The following PTPRT variants were observed in gnomAD, a reference collection of about 807,000 sequenced individuals.
The protein encoded by PTPRT is receptor-type tyrosine-protein phosphatase T.
PTPRT carries 56 observed loss-of-function variants against 176.8 expected under a neutral mutation model. The observed-to-expected ratio is 0.32, with a 90% CI of 0.26 to 0.40. The LOEUF is 0.40. Ranked by LOEUF, PTPRT falls within the 10% of genes least tolerant of loss-of-function variation. PTPRT has a pLI of 1.00. For missense variants in PTPRT, 1,540 were observed against 1,908.2 expected, an observed-to-expected ratio of 0.81 and a Z score of 3.60; for synonymous variants, 783 against 739.0, an observed-to-expected ratio of 1.06 and a Z score of -0.96.
chr20:42,531,958 G>A (rs558367781), intron 7 of PTPRT, among the ~76,000 whole-genome samples: 32 of 152,318 alleles, frequency 2.1e-4, no homozygotes, highest in African/African-American at 6.5e-4. Context: ...GAAGATGAGC[G>A]TGCCCTCATG....
At chr20:42,639,754 C>T (rs1003392379) in intron 7 of PTPRT, among the ~76,000 whole-genome samples, 7 of 152,100 alleles carry the variant, frequency 4.6e-5, no homozygotes, top group African/African-American at 1.4e-4. Flanking sequence ...ATTTCACATG[C>T]TCTTTTAGGT....
At position 42,084,692 on chromosome 20, in the gene PTPRT, C is replaced by T. The variant is rs1452432737; in HGVS notation, c.4126G>A (p.Val1376Ile). Reference sequence around the variant, plus strand: ...CTCCCTAGTACTCACAGGCAGTGGACCACAGTACGTCCCTCCCTCCCGTCA... The same window carrying T: ...CTCCCTAGTACTCACAGGCAGTGGATCACAGTACGTCCCTCCCTCCCGTCA... ...QYDGREGRTV[V>I]HCLNGGGRSG... Residue 1376 changes from valine to isoleucine, a missense_variant, in exon 29 of 31, where the codon GTC becomes ATC. By Grantham distance (29) the Val-to-Ile change is conservative. This residue lies in a region of PTPRT where 342 missense variants were observed against 394.0 expected (regional missense o/e 0.87). Transcript: ENST00000373187. 1.0e-5 allele frequency: 16 copies of T among 1,530,034 alleles called. No individual in the cohort carries two copies. Among genetic ancestry groups the T allele is most frequent in the Non-Finnish European group, 1.4e-5 (16 of 1,131,418 alleles). 94.8% of individuals were successfully genotyped at this position (1,530,034 alleles called of 1,614,324 possible). A position where few individuals can be genotyped will look rare whatever the true frequency, so the allele number is the denominator to read the frequency against.
intron 2 of PTPRT, among the ~76,000 whole-genome samples, chr20:42,837,734 A>G (rs1368847136): frequency 6.6e-6 from 1 of 152,224 alleles, no homozygotes; most frequent in Non-Finnish European, 1.5e-5. Context: ...CACGCAGAAC[A>G]GAGTACAGAG....
At chr20:43,169,789 C>A (rs1568824611) in intron 1 of PTPRT, among the ~76,000 whole-genome samples, 1 of 152,188 alleles carries the variant, frequency 6.6e-6, no homozygotes, top group Non-Finnish European at 1.5e-5. Context: ...AGCCTTCTCC[C>A]TCCTTCTAAA....
rs144980564 is a variant in PTPRT, at chr20:43,002,050, G to A, written c.89-116118C>T. 1.2e-4 allele frequency among the ~76,000 whole-genome samples: 18 copies of A among 152,192 alleles called. No homozygotes were observed. The East Asian group carries it at 2.3e-3, about 20-fold the overall frequency. Reference sequence around the variant, plus strand: ...ATTATGGGGGCGGCTTCCCCCACGCGGTTCTCGTGATAGTGAGTCTCACGA... The same window carrying A: ...ATTATGGGGGCGGCTTCCCCCACGCAGTTCTCGTGATAGTGAGTCTCACGA... On this transcript the variant is annotated intron_variant, in intron 1 of 30. Coordinates refer to ENST00000373187, the MANE Select transcript of PTPRT (RefSeq NM_007050.6).
At chr20:43,179,213 G>T in intron 1 of PTPRT, among the ~76,000 whole-genome samples, 1 of 152,180 alleles carries the variant, frequency 6.6e-6, no homozygotes. Flanking sequence ...CTTCTGTGAT[G>T]ACTGTACTAC....
intron 1 of PTPRT, among the ~76,000 whole-genome samples, chr20:42,899,732 C>CTT (rs1294642769): frequency 1.3e-5 from 2 of 152,176 alleles, no homozygotes; most frequent in Non-Finnish European, 2.9e-5. Flanking sequence ...GAGGGAAACT[C>CTT]TTTAAATGCT....
At chr20:42,621,657 A>G (rs1199729282) in intron 7 of PTPRT, among the ~76,000 whole-genome samples, 1 of 151,902 alleles carries the variant, frequency 6.6e-6, no homozygotes, top group Non-Finnish European at 1.5e-5. Flanking sequence ...CACTCCCTAG[A>G]TGTTCAATGG....
intron 7 of PTPRT, among the ~76,000 whole-genome samples, chr20:42,511,180 T>G (rs2071949465): frequency 6.6e-6 from 1 of 152,194 alleles, no homozygotes; most frequent in African/African-American, 2.4e-5. Context: ...AGATGTACCC[T>G]CTGAACCTCA....
At chr20:42,721,321 T>G (rs1352939408) in intron 6 of PTPRT, among the ~76,000 whole-genome samples, 1 of 152,124 alleles carries the variant, frequency 6.6e-6, no homozygotes, top group Non-Finnish European at 1.5e-5. Flanking sequence ...AAGTGCATGA[T>G]GGTGAACTGG....
At chr20:43,161,695 A>AT (rs1023856161) in intron 1 of PTPRT, among the ~76,000 whole-genome samples, 5 of 151,592 alleles carry the variant, frequency 3.3e-5, no homozygotes, top group Admixed American at 1.3e-4. Flanking sequence ...GCTGTTCCTG[A>AT]TTTTTTTTTA....
chr20:42,350,374 G>T (rs569082920), intron 11 of PTPRT, among the ~76,000 whole-genome samples: 1 of 151,852 alleles, frequency 6.6e-6, no homozygotes, highest in African/African-American at 2.4e-5. Context: ...TACTACAGGC[G>T]TGTGCTACCA....
intron 13 of PTPRT, among the ~76,000 whole-genome samples, chr20:42,250,643 T>C (rs2056536154): frequency 1.3e-5 from 2 of 152,338 alleles, no homozygotes; most frequent in South Asian, 2.1e-4. Context: ...TGCCAGTGTC[T>C]AGCACAGGCC....
At chr20:42,471,503 C>T (rs2071197178) in intron 8 of PTPRT, among the ~76,000 whole-genome samples, 1 of 152,166 alleles carries the variant, frequency 6.6e-6, no homozygotes, top group South Asian at 2.1e-4. Context: ...CATCTTCCAC[C>T]ATGAGTAAAA....
At chr20:42,044,645 G>C in the PTPRT span, among the ~76,000 whole-genome samples, 1 of 152,230 alleles carries the variant, frequency 6.6e-6, no homozygotes, top group African/African-American at 2.4e-5. Flanking sequence ...GAATATCTGT[G>C]ATTTGCTGGG....
intron 1 of PTPRT, among the ~76,000 whole-genome samples, chr20:42,954,188 A>T (rs1252921493): frequency 1.3e-5 from 2 of 152,192 alleles, no homozygotes; most frequent in Non-Finnish European, 2.9e-5. Context: ...CCAACTCATA[A>T]GAGGTTGATG....
chr20:42,340,130 A>G (rs1481437176), intron 11 of PTPRT, among the ~76,000 whole-genome samples: 1 of 152,194 alleles, frequency 6.6e-6, no homozygotes, highest in Non-Finnish European at 1.5e-5. Flanking sequence ...GCCATTGGGT[A>G]CTTGAGATGT....
chr20:42,846,874 A>G (rs892431030), intron 2 of PTPRT, among the ~76,000 whole-genome samples: 1 of 152,200 alleles, frequency 6.6e-6, no homozygotes, highest in African/African-American at 2.4e-5. Context: ...AATCAATGGA[A>G]GTAGGTACCC....
rs754182639 is a variant in PTPRT at position 42,756,616 on chromosome 20, C to T, written c.705G>A (p.Thr235=). ...TGACCACACGGGTGACCATCAGGGC[C>T]GTGTCCCTGCCATTCCATTGCTGCA... The part of the protein sequence containing the change: ...LWLQQWNGRD[T]ALMVTRVVNH... The change falls in exon 6 of 31, where the codon ACG becomes ACA. Residue 235 remains threonine (T), a synonymous_variant. Coordinates refer to ENST00000373187, the MANE Select transcript of PTPRT (RefSeq NM_007050.6). 21 of 1,594,826 alleles carry T rather than the reference C, an allele frequency of 1.3e-5. 1 individual carries two copies. In the East Asian group the frequency reaches 3.4e-4, roughly 26 times the overall value.
Sources: gnomAD v4.1 joint callset for allele counts (sites outside exome capture counted in the v4.1 genomes callset) on GRCh38, gnomAD v4.1.1 for gene constraint, gnomAD v4.1.1 regional missense constraint, MANE v1.5 for transcripts, NCBI Gene and HGNC (gene_info 2026-07-23, HGNC 2026-07-21) for gene names.